Variants in CGGBP1 observed in about 807,000 individuals in gnomAD.
The protein encoded by CGGBP1 is CGG triplet repeat binding protein 1.
A neutral mutation model predicts 11.4 loss-of-function variants in CGGBP1; 4 were observed. That is an observed-to-expected ratio of 0.35 (90% CI 0.17 to 0.80). CGGBP1 has a LOEUF of 0.80. Ranked by LOEUF, CGGBP1 falls within the 30% of genes least tolerant of loss-of-function variation. The pLI, the probability that CGGBP1 is intolerant of heterozygous loss-of-function variation, is 0.52. For missense variants in CGGBP1, 135 were observed against 202.1 expected, an observed-to-expected ratio of 0.67 and a Z score of 2.01; for synonymous variants, 76 against 74.1, an observed-to-expected ratio of 1.03 and a Z score of -0.13.
In CGGBP1 at chr3:88,055,616, C is replaced by T; in HGVS notation, c.361G>A (p.Ala121Thr). ...AAAGCACGGACTGCTGGGTGATCAG[C>T]CTTCTCAAGTGGGATGTTGGCTTCC... Reference protein sequence around the residue: ...CLEANIPLEKADHPAVRAFLS... With the variant: ...CLEANIPLEKTDHPAVRAFLS... Residue 121 changes from alanine (A) to threonine (T), a missense_variant, in exon 4 of 4, where the codon GCT (alanine) becomes ACT (threonine). Physicochemically the swap from Ala to Thr is moderately conservative, Grantham distance 58. Transcript: ENST00000482016. The surrounding 1 kb of genome is among the most constrained non-coding windows in gnomAD (Gnocchi z 4.2). 1 of 1,614,136 alleles carries T rather than the reference C, an allele frequency of 6.2e-7. No individual in the cohort carries two copies. Among genetic ancestry groups the T allele is most frequent in the Non-Finnish European group, 8.5e-7 (1 of 1,179,986 alleles).
At chr3:88,056,267 T>C (rs1470474648) in intron 3 of CGGBP1, 4 of 263,406 alleles carry the variant, frequency 1.5e-5, no homozygotes, top group Non-Finnish European at 2.9e-5. Flanking sequence ...ACTCAAACTA[T>C]CCCAGATGTC....
rs1254664940 is a variant in CGGBP1, at chr3:88,053,643, G to A, written c.*1830C>T. The A allele has an allele frequency of 6.6e-6, 1 of 152,518 alleles. No individual in the cohort carries two copies. The highest frequency in any genetic ancestry group is 1.5e-5 in the Non-Finnish European group (1 of 67,966). 9.4% of individuals were successfully genotyped at this position (152,518 alleles called of 1,614,324 possible). A position where few individuals can be genotyped will look rare whatever the true frequency, so the allele number is the denominator to read the frequency against. ...CACATGGAATTTCAAAAAACAGAAT[G>A]ATTGTGTATCTTTTCGTATTCTGAA... On this transcript the variant is annotated 3_prime_UTR_variant, in exon 4 of 4. Transcript: ENST00000482016.
At chr3:88,093,743 A>G (rs1196695610) in intron 2 of CGGBP1, among the ~76,000 whole-genome samples, 1 of 152,234 alleles carries the variant, frequency 6.6e-6, no homozygotes, top group Non-Finnish European at 1.5e-5. Context: ...TCTCTACTCT[A>G]TAATCAAGTT....
intron 2 of CGGBP1, chr3:88,113,260 A>G (rs1388000203): frequency 1.0e-6 from 1 of 979,574 alleles, no homozygotes; most frequent in Non-Finnish European, 1.5e-6. Flanking sequence ...TGCTCCCCCT[A>G]AATATAGCTT....
At position 88,054,623 on chromosome 3, in the gene CGGBP1, AAAGAG is replaced by A. The variant is rs1159738516; in HGVS notation, c.*845_*849del. On this transcript the variant is annotated 3_prime_UTR_variant, in exon 4 of 4. Coordinates refer to ENST00000482016, the MANE Select transcript of CGGBP1 (RefSeq NM_001008390.2). ...AAAAAAATTACTAATTCTCTATAATAAAGAGAAAACTCAACCATAAAATGTCTGTT... is the reference window on the plus strand; with the variant it reads ...AAAAAAATTACTAATTCTCTATAATAAAAACTCAACCATAAAATGTCTGTT... 2.0e-5 allele frequency: 3 copies of A among 152,564 alleles called. No individual in the cohort carries two copies. Among genetic ancestry groups the A allele is most frequent in the Non-Finnish European group, 4.4e-5 (3 of 68,036 alleles). 9.5% of individuals were successfully genotyped at this position (152,564 alleles called of 1,614,324 possible).
intron 2 of CGGBP1, among the ~76,000 whole-genome samples, chr3:88,137,182 G>A (rs139996861): frequency 0.023 from 2,393 of 103,990 alleles, 80 homozygotes; most frequent in African/African-American, 0.081. Flanking sequence ...GTGACAGTGC[G>A]AGACTCTGTC....
At chr3:88,136,800 A>G (rs1706812665) in intron 2 of CGGBP1, among the ~76,000 whole-genome samples, 1 of 152,176 alleles carries the variant, frequency 6.6e-6, no homozygotes, top group African/African-American at 2.4e-5. Flanking sequence ...TCCTGGAACC[A>G]TCAAAAGATT....
At chr3:88,081,162 A>AT (rs1211068836) in intron 2 of CGGBP1, among the ~76,000 whole-genome samples, 1 of 152,130 alleles carries the variant, frequency 6.6e-6, no homozygotes, top group Non-Finnish European at 1.5e-5. Context: ...CAATCTATGC[A>AT]TTTTTGGCAG....
At chr3:88,135,040 C>G in intron 2 of CGGBP1, 1 of 1,354,716 alleles carries the variant, frequency 7.4e-7, no homozygotes, top group Non-Finnish European at 9.5e-7. Context: ...TTTGATAATT[C>G]TCTTTTTTTC....
chr3:88,101,030 A>G (rs924045417), intron 2 of CGGBP1, among the ~76,000 whole-genome samples: 5 of 152,212 alleles, frequency 3.3e-5, no homozygotes, highest in African/African-American at 1.2e-4. Context: ...ACTATCACCT[A>G]GCTTCAACAG....
intron 2 of CGGBP1, among the ~76,000 whole-genome samples, chr3:88,124,085 G>A (rs188188514): frequency 6.5e-4 from 99 of 152,236 alleles, no homozygotes; most frequent in Middle Eastern, 3.4e-3. Flanking sequence ...TCATGCCAAG[G>A]AAACTAGATG....
At chr3:88,105,034 G>A (rs1704650708) in intron 2 of CGGBP1, among the ~76,000 whole-genome samples, 1 of 152,156 alleles carries the variant, frequency 6.6e-6, no homozygotes, top group Admixed American at 6.5e-5. Context: ...CAGCTACTCG[G>A]GAGACTGAGG....
intron 2 of CGGBP1, among the ~76,000 whole-genome samples, chr3:88,097,612 C>G (rs752853112): frequency 6.6e-6 from 1 of 152,062 alleles, no homozygotes; most frequent in Non-Finnish European, 1.5e-5. Context: ...TGTAAAAGAA[C>G]AGAAATCACA....
intron 2 of CGGBP1, among the ~76,000 whole-genome samples, chr3:88,133,110 C>T (rs1706563417): frequency 6.6e-6 from 1 of 152,192 alleles, no homozygotes; most frequent in South Asian, 2.1e-4. Flanking sequence ...GAGTTGAGAA[C>T]ATTCCAGAGA....
At position 88,086,206 on chromosome 3, in the gene CGGBP1, G is replaced by A. The variant is rs1708328599; in HGVS notation, c.-228-27983C>T. 23 of 1,472,502 alleles carry A rather than the reference G, an allele frequency of 1.6e-5. No individual in the cohort carries two copies. The East Asian group carries it at 4.2e-4, about 27-fold the overall frequency. The allele number at this position is 1,472,502 out of a possible 1,614,324, so 91.2% of individuals were successfully genotyped here. A position where few individuals can be genotyped will look rare whatever the true frequency, so the allele number is the denominator to read the frequency against. ...AACTTTTATGCAAATTTTTAAACTC[G>A]AGATGTTGAGAACTTTTTCTATAGT... is the stretch of plus-strand genomic sequence containing the variant. On this transcript the variant is annotated intron_variant, in intron 2 of 3. Transcript: ENST00000462901.
chr3:88,126,433 A>G (rs1706101310), intron 2 of CGGBP1, among the ~76,000 whole-genome samples: 1 of 152,148 alleles, frequency 6.6e-6, no homozygotes. Flanking sequence ...ACTGGCCCAA[A>G]GTGACTTCTG....
intron 2 of CGGBP1, among the ~76,000 whole-genome samples, chr3:88,118,073 A>T (rs1453477678): frequency 6.6e-6 from 1 of 152,162 alleles, no homozygotes; most frequent in Non-Finnish European, 1.5e-5. Flanking sequence ...TGAAATGCCA[A>T]CTAAACCAGT....
chr3:88,140,648 T>C (rs1445634287), intron 2 of CGGBP1: 2 of 1,613,672 alleles, frequency 1.2e-6, no homozygotes, highest in African/African-American at 2.7e-5. Context: ...CATCAGATCC[T>C]GCTTTGAAAA....
chr3:88,133,788 G>A (rs1452920974), intron 2 of CGGBP1, among the ~76,000 whole-genome samples: 2 of 152,078 alleles, frequency 1.3e-5, no homozygotes, highest in Admixed American at 1.3e-4. Flanking sequence ...AGAAATACAT[G>A]TGTAAAATTA....
Sources: gnomAD v4.1 joint callset for allele counts (sites outside exome capture counted in the v4.1 genomes callset) on GRCh38, gnomAD v4.1.1 for gene constraint, Gnocchi (gnomAD v3.1) non-coding constraint, MANE v1.5 for transcripts, NCBI Gene and HGNC (gene_info 2026-07-23, HGNC 2026-07-21) for gene names.